The following ALG9 variants were observed in gnomAD, a reference collection of about 807,000 sequenced individuals.
ALG9 encodes the protein ALG9 alpha-1,2-mannosyltransferase, also known as alpha-1,2-mannosyltransferase ALG9.
In ALG9, 55 loss-of-function variants were observed where a neutral mutation model predicts 81.8. That is an observed-to-expected ratio of 0.67 (90% CI 0.54 to 0.84). The LOEUF is 0.84. Ranked by LOEUF, ALG9 falls within the 40% of genes least tolerant of loss-of-function variation. The probability of loss-of-function intolerance (pLI) is 0.00; values close to 1 mark genes in which losing one functional copy is unlikely to be tolerated. For missense variants in ALG9, 629 were observed against 745.0 expected (o/e 0.84, Z 1.81); for synonymous variants, 278 against 274.3 (o/e 1.01, Z -0.13).
In ALG9 at chr11:111,782,539, A is replaced by C. The variant is rs2136158255; in HGVS notation, c.*3858T>G. On this transcript the variant is annotated 3_prime_UTR_variant, in exon 15 of 15. Coordinates refer to ENST00000616540, the MANE Select transcript of ALG9 (RefSeq NM_024740.2). ...ATTTAATGTAGGAGCATAAGAATGC[A>C]CTGATTAACACGTGAGCTTTAATAT... The C allele has an allele frequency of 6.5e-6, 1 of 152,806 alleles. No homozygotes were observed. Among genetic ancestry groups the C allele is most frequent in the East Asian group, 1.9e-4 (1 of 5,188 alleles). The allele number at this position is 152,806 out of a possible 1,614,324, so 9.5% of individuals were successfully genotyped here.
In ALG9 at chr11:111,836,214, A is replaced by C. The variant is rs1555117392; in HGVS notation, c.1553T>G (p.Ile518Ser). Residue 518 changes from isoleucine to serine, a missense_variant, in exon 13 of 15, where the codon ATT becomes AGT. Transcript: ENST00000616540. ...CTGGTCATTCATGTCAGTAGGAACA[A>C]TCCGGGTGGCCAGAGGTCCTTCTGC... ...PFAEGPLATR[I>S]VPTDMNDQNL... 1.2e-6 allele frequency: 2 copies of C among 1,614,064 alleles called. No individual in the cohort carries two copies. Among genetic ancestry groups the C allele is most frequent in the South Asian group, 2.2e-5 (2 of 91,070 alleles).
At position 111,857,740 on chromosome 11, in the gene ALG9, G is replaced by T. The variant is rs781982087; in HGVS notation, c.566-3C>A. ...ACAGAAGCTACTAGGAAGGAATGCT[G>T]CAAGAGTAAAGAAGTGAAAAAAGGC... On this transcript the variant is annotated splice_polypyrimidine_tract_variant and splice_region_variant and intron_variant, in intron 5 of 14. Coordinates refer to ENST00000616540, the MANE Select transcript of ALG9 (RefSeq NM_024740.2). The T allele has an allele frequency of 1.2e-6, 2 of 1,613,906 alleles. No homozygotes were observed. The highest frequency in any genetic ancestry group is 2.2e-5 in the East Asian group (1 of 44,868).
chr11:111,798,627 T>C (rs1555077657), intron 14 of ALG9, among the ~76,000 whole-genome samples: 1 of 152,238 alleles, frequency 6.6e-6, no homozygotes, highest in African/African-American at 2.4e-5. Context: ...AAGTATGTAA[T>C]ATGAGATGGC....
chr11:111,774,763 T>G, the ALG9 span, among the ~76,000 whole-genome samples: 2 of 152,240 alleles, frequency 1.3e-5, no homozygotes, highest in Non-Finnish European at 2.9e-5. Context: ...CTTTTAGTTC[T>G]TGGTTTACCA....
the ALG9 span, among the ~76,000 whole-genome samples, chr11:111,774,548 C>T: frequency 6.6e-6 from 1 of 152,178 alleles, no homozygotes; most frequent in Admixed American, 6.5e-5. Context: ...AACAGGGTGC[C>T]TGGGGAACAG....
chr11:111,830,823 C>A (rs1954224504), intron 13 of ALG9, among the ~76,000 whole-genome samples: 1 of 152,112 alleles, frequency 6.6e-6, no homozygotes, highest in Admixed American at 6.6e-5. Flanking sequence ...ATAATATTTA[C>A]TACTTAAAGT....
chr11:111,857,920 C>G, intron 5 of ALG9, 183 bp from the exon 6 acceptor site: 1 of 678,504 alleles, frequency 1.5e-6, no homozygotes, highest in Non-Finnish European at 2.4e-6. Flanking sequence ...AAATGAAGTT[C>G]AATGACTCTT....
At chr11:111,855,309 T>C (rs1428322327) in intron 6 of ALG9, among the ~76,000 whole-genome samples, 2 of 152,190 alleles carry the variant, frequency 1.3e-5, no homozygotes, top group African/African-American at 2.4e-5. Flanking sequence ...CCAACCTCCA[T>C]GACATAAAGC....
intron 8 of ALG9, among the ~76,000 whole-genome samples, chr11:111,848,906 A>G (rs1028542175): frequency 4.6e-5 from 7 of 152,204 alleles, no homozygotes; most frequent in Admixed American, 2.6e-4. Flanking sequence ...ACATGCTCCT[A>G]TGATTCCCTA....
chr11:111,823,641 T>G (rs1952778836), intron 13 of ALG9, among the ~76,000 whole-genome samples: 1 of 152,230 alleles, frequency 6.6e-6, no homozygotes, highest in Non-Finnish European at 1.5e-5. Context: ...AATTCTGAAT[T>G]TTTACAGTGC....
chr11:111,805,764 A>G (rs1443644164), intron 14 of ALG9, among the ~76,000 whole-genome samples: 2 of 152,234 alleles, frequency 1.3e-5, no homozygotes, highest in Non-Finnish European at 2.9e-5. Flanking sequence ...ACTGTATAAC[A>G]CCAAGGGTGA....
chr11:111,862,782 G>A (rs1592384787), intron 4 of ALG9, among the ~76,000 whole-genome samples: 1 of 151,116 alleles, frequency 6.6e-6, no homozygotes, highest in Non-Finnish European at 1.5e-5. Context: ...GTCATCTCTT[G>A]TTTCTTGTTC....
At chr11:111,853,255 T>C (rs1958113340) in intron 8 of ALG9, 125 bp downstream of exon 8, 2 of 744,418 alleles carry the variant, frequency 2.7e-6, no homozygotes, top group South Asian at 1.5e-5. Context: ...CATTTTTAAA[T>C]AGGAAAAGAT....
chr11:111,795,769 C>T (rs1243551604), intron 14 of ALG9, among the ~76,000 whole-genome samples: 1 of 152,220 alleles, frequency 6.6e-6, no homozygotes, highest in Non-Finnish European at 1.5e-5. Context: ...GGCATAACAT[C>T]ATAACCTTTT....
intron 14 of ALG9, among the ~76,000 whole-genome samples, chr11:111,802,039 G>A (rs1479358803): frequency 6.6e-6 from 1 of 152,170 alleles, no homozygotes; most frequent in Non-Finnish European, 1.5e-5. Flanking sequence ...TACTACTGCA[G>A]TTCTGGCAAT....
chr11:111,865,282 G>A (rs1961966829), intron 3 of ALG9, 31 bp from the exon 4 acceptor site: 1 of 1,517,854 alleles, frequency 6.6e-7, no homozygotes, highest in East Asian at 2.5e-5. Flanking sequence ...GAAAACAGAA[G>A]TCACAGATAT....
chr11:111,837,343 C>T (rs919297250), intron 12 of ALG9, 125 bp downstream of exon 12: 3 of 1,127,054 alleles, frequency 2.7e-6, no homozygotes, highest in Non-Finnish European at 3.9e-6. Flanking sequence ...AGCTCTCCGA[C>T]GTGGTAGATA....
At chr11:111,804,485 G>A (rs566553209) in intron 14 of ALG9, among the ~76,000 whole-genome samples, 8 of 152,176 alleles carry the variant, frequency 5.3e-5, no homozygotes, top group African/African-American at 1.2e-4. Context: ...GAGCGCTTTC[G>A]GGGGCTGAGG....
At chr11:111,799,109 A>G (rs1159521830) in intron 14 of ALG9, among the ~76,000 whole-genome samples, 2 of 152,026 alleles carry the variant, frequency 1.3e-5, no homozygotes, top group Non-Finnish European at 1.5e-5. Context: ...TTAGGTTGCA[A>G]CTCCCTGAAG....
Sources: gnomAD v4.1 joint callset for allele counts (sites outside exome capture counted in the v4.1 genomes callset) on GRCh38, gnomAD v4.1.1 for gene constraint, MANE v1.5 for transcripts, NCBI Gene and HGNC (gene_info 2026-07-23, HGNC 2026-07-21) for gene names.